TEX38: variants seen among roughly 807,000 people sequenced by gnomAD.
TEX38 encodes testis expressed 38.
Under a neutral mutation model 2.7 loss-of-function variants are expected in TEX38, and 5 were observed. The ratio of observed to expected loss-of-function variants is 1.86; its 90% confidence interval spans 0.97 to 3.90. The LOEUF (loss-of-function observed/expected upper bound fraction) is 3.90, where lower values mean the gene tolerates loss of function less well. Ranked by LOEUF, TEX38 falls within the 30% of genes most tolerant of loss-of-function variation. The pLI is 0.00. For missense variants in TEX38, 218 were observed against 247.9 expected, an observed-to-expected ratio of 0.88 and a Z score of 0.81; for synonymous variants, 110 against 103.3, an observed-to-expected ratio of 1.06 and a Z score of -0.39.
intron 1 of TEX38, among the ~76,000 whole-genome samples, chr1:46,672,210 G>A (rs1676594512): frequency 6.6e-6 from 1 of 152,028 alleles, no homozygotes; most frequent in South Asian, 2.1e-4. Context: ...GGAATGGGAT[G>A]GGACATTGGT....
Position 46,673,328 on chromosome 1 carries a change from C to G in TEX38, c.493C>G (p.Leu165Val), listed in dbSNP as rs1004163867. The G allele has an allele frequency of 1.9e-6, 3 of 1,551,834 alleles. No homozygotes were observed. The highest frequency in any genetic ancestry group is 2.6e-6 in the Non-Finnish European group (3 of 1,147,020). ...FAPPLCNLPP[L>V]LNHSVSYPLA... is the part of the protein sequence containing the mutation. Reference sequence around the variant, plus strand: ...CCCACCCTTGTGCAACCTACCCCCCCTGCTGAACCACTCTGTCTCCTATCC... The same window carrying G: ...CCCACCCTTGTGCAACCTACCCCCCGTGCTGAACCACTCTGTCTCCTATCC... Residue 165 changes from leucine (L) to valine (V), a missense_variant, in exon 2 of 2, where the codon CTG becomes GTG. Physicochemically the swap from Leu to Val is conservative, Grantham distance 32 (BLOSUM62 1). Coordinates refer to ENST00000334122, the MANE Select transcript of TEX38 (RefSeq NM_001145474.4).
chr1:46,672,095 G>C, intron 1 of TEX38, 124 bp downstream of exon 1: 1 of 916,400 alleles, frequency 1.1e-6, no homozygotes, highest in East Asian at 2.7e-5. Context: ...TAAGCAGTTA[G>C]GAGATAGTCT....
chr1:46,670,284 G>A (rs890003754), upstream of TEX38, among the ~76,000 whole-genome samples: 2 of 152,204 alleles, frequency 1.3e-5, no homozygotes, highest in African/African-American at 4.8e-5. Flanking sequence ...TGGAGTCAGT[G>A]TGGGTGTGAT....
upstream of TEX38, among the ~76,000 whole-genome samples, chr1:46,671,137 C>T (rs1185229575): frequency 6.6e-6 from 1 of 152,098 alleles, no homozygotes; most frequent in Non-Finnish European, 1.5e-5. Flanking sequence ...TGAGCTGAGT[C>T]TTGAAGGATG....
chr1:46,671,417 G>C (rs1676579672), upstream of TEX38, among the ~76,000 whole-genome samples: 1 of 152,212 alleles, frequency 6.6e-6, no homozygotes, highest in African/African-American at 2.4e-5. Flanking sequence ...TGGAGCCAAA[G>C]AAGGAGGTAT....
intron 1 of TEX38, among the ~76,000 whole-genome samples, chr1:46,672,441 C>T (rs2148831759): frequency 6.6e-6 from 1 of 152,228 alleles, no homozygotes; most frequent in African/African-American, 2.4e-5. Context: ...GACGGGGTTT[C>T]ACCATGTTGG....
At chr1:46,670,053 T>A (rs956144862), upstream of TEX38, among the ~76,000 whole-genome samples, 2 of 152,174 alleles carry the variant, frequency 1.3e-5, no homozygotes. Context: ...CAAGGGTGAC[T>A]AATTTATTCC....
In TEX38 at chr1:46,673,180, C is replaced by T. The variant is rs756022932; in HGVS notation, c.345C>T (p.Asp115=). The T allele has an allele frequency of 2.3e-5, 36 of 1,551,330 alleles. No individual in the cohort carries two copies. Among genetic ancestry groups the T allele is most frequent in the Non-Finnish European group, 1.3e-5 (15 of 1,146,852 alleles). ...TCCCCGAAGGCAGGAGCCATGCTGA[C>T]CAAGACAGCAACCCCAAGGCGGAAG... ...LDIPEGRSHA[D]QDSNPKAEAP... The change falls in exon 2 of 2, where the codon GAC becomes GAT. Residue 115 remains aspartate, a synonymous_variant. Coordinates refer to ENST00000334122, the MANE Select transcript of TEX38 (RefSeq NM_001145474.4).
At chr1:46,669,566 G>GAC (rs1676553416), upstream of TEX38, 1 of 445,750 alleles carries the variant, frequency 2.2e-6, no homozygotes, top group African/African-American at 2.0e-5. Context: ...CTTTATAGCA[G>GAC]TTATCATTAT....
chr1:46,673,162 A>T lies in TEX38; in HGVS notation c.327A>T (p.Glu109Asp), dbSNP rs1676621595. 2 of 1,551,690 alleles carry T rather than the reference A, an allele frequency of 1.3e-6. No individual in the cohort carries two copies. Among genetic ancestry groups the T allele is most frequent in the Non-Finnish European group, 1.7e-6 (2 of 1,146,954 alleles). Residue 109 changes from glutamate to aspartate, a missense_variant, in exon 2 of 2, where the codon GAA becomes GAT. By Grantham distance (45) the Glu-to-Asp change is conservative. Transcript: ENST00000334122. ...PDVLWDLDIP[E>D]GRSHADQDSN... ...TTCTGTGGGATTTGGACATCCCCGAAGGCAGGAGCCATGCTGACCAAGACA... is the reference window on the plus strand; with the variant it reads ...TTCTGTGGGATTTGGACATCCCCGATGGCAGGAGCCATGCTGACCAAGACA...
intron 1 of TEX38, 124 bp from the exon 2 acceptor site, chr1:46,672,749 T>G: frequency 3.6e-5 from 30 of 832,556 alleles, no homozygotes; most frequent in Non-Finnish European, 4.6e-5. Context: ...GAAGGAACGG[T>G]GAGAGTAGTT....
upstream of TEX38, among the ~76,000 whole-genome samples, chr1:46,670,504 G>A (rs1159490764): frequency 2.0e-5 from 3 of 152,210 alleles, no homozygotes; most frequent in Admixed American, 2.0e-4. Context: ...TGAGTCTAAA[G>A]TTCTGAGGAG....
Position 46,673,067 on chromosome 1 carries a change from A to C in TEX38, c.232A>C (p.Asn78His). The change falls in exon 2 of 2, where the codon AAT becomes CAT. Residue 78 changes from asparagine to histidine, a missense_variant. Transcript: ENST00000334122. ...TAACAAGCGACGGCGCTACGGCATG[A>C]ATGCAGCCATCAACACGGGCCCTGC... is the stretch of plus-strand genomic sequence containing the variant. ...WINKRRRYGM[N>H]AAINTGPAPA... is the part of the protein sequence containing the mutation. 6.4e-7 allele frequency: 1 copy of C among 1,551,756 alleles called. No individual in the cohort carries two copies. Among genetic ancestry groups the C allele is most frequent in the South Asian group, 1.2e-5 (1 of 84,056 alleles).
chr1:46,673,075 C>T lies in TEX38; in HGVS notation c.240C>T (p.Ala80=). Residue 80 remains alanine (A), a synonymous_variant, in exon 2 of 2, where the codon GCC becomes GCT. Transcript: ENST00000334122. ...GACGGCGCTACGGCATGAATGCAGC[C>T]ATCAACACGGGCCCTGCCCCTGCTG... ...NKRRRYGMNA[A]INTGPAPAVT... is the part of the protein sequence containing the mutation. 2 of 1,551,756 alleles carry T rather than the reference C, an allele frequency of 1.3e-6. No homozygotes were observed. The highest frequency in any genetic ancestry group is 2.4e-5 in the East Asian group (1 of 40,910).
upstream of TEX38, among the ~76,000 whole-genome samples, chr1:46,671,181 G>A (rs1356444986): frequency 1.3e-5 from 2 of 152,170 alleles, no homozygotes; most frequent in African/African-American, 2.4e-5. Context: ...GTGGGCAGGG[G>A]CACTCCTGGG....
intron 1 of TEX38, among the ~76,000 whole-genome samples, chr1:46,672,320 C>A (rs1258298070): frequency 6.6e-6 from 1 of 151,628 alleles, no homozygotes; most frequent in East Asian, 1.9e-4. Flanking sequence ...TCTAGGCTCA[C>A]TGTAACCTCC....
chr1:46,673,061 G>C lies in TEX38; in HGVS notation c.226G>C (p.Gly76Arg). The change falls in exon 2 of 2, where the codon GGC becomes CGC. Residue 76 changes from glycine (G) to arginine (R), a missense_variant. Gly to Arg is a moderately radical substitution (Grantham distance 125). Transcript: ENST00000334122. ...LYWINKRRRY[G>R]MNAAINTGPA... ...CTGGATTAACAAGCGACGGCGCTAC[G>C]GCATGAATGCAGCCATCAACACGGG... is the stretch of plus-strand genomic sequence containing the variant. 6.4e-7 allele frequency: 1 copy of C among 1,551,736 alleles called. No individual in the cohort carries two copies. Among genetic ancestry groups the C allele is most frequent in the Non-Finnish European group, 8.7e-7 (1 of 1,147,002 alleles).
chr1:46,672,001 A>T, intron 1 of TEX38, 30 bp downstream of exon 1: 1 of 1,505,460 alleles, frequency 6.6e-7, no homozygotes. Flanking sequence ...CTGTCACTGG[A>T]CTTGTGCCTT....
At chr1:46,671,492 G>T (rs181113561), upstream of TEX38, among the ~76,000 whole-genome samples, 18 of 152,330 alleles carry the variant, frequency 1.2e-4, no homozygotes, top group Admixed American at 3.9e-4. Context: ...TTTGAGAACA[G>T]GGCTGCCCAA....
Sources: gnomAD v4.1 joint callset for allele counts (sites outside exome capture counted in the v4.1 genomes callset) on GRCh38, gnomAD v4.1.1 for gene constraint, MANE v1.5 for transcripts, NCBI Gene and HGNC (gene_info 2026-07-23, HGNC 2026-07-21) for gene names.